The following ARHGAP32 variants were observed in gnomAD, a reference collection of about 807,000 sequenced individuals.
The protein encoded by ARHGAP32 is rho GTPase-activating protein 32.
In ARHGAP32, 51 loss-of-function variants were observed where a neutral mutation model predicts 186.5. The ratio of observed to expected loss-of-function variants is 0.27; its 90% CI spans 0.22 to 0.35. ARHGAP32 has a LOEUF of 0.35. Among genes scored for constraint, ARHGAP32 ranks in the 10% least tolerant of loss-of-function variants. The pLI is 1.00. For synonymous variants in ARHGAP32, 950 were observed against 964.3 expected, an observed-to-expected ratio of 0.99 and a Z score of 0.27; for missense variants, 2,186 against 2,623.5, an observed-to-expected ratio of 0.83 and a Z score of 3.64.
chr11:128,971,721 A>G (rs1425339363), intron 22 of ARHGAP32: 2 of 152,700 alleles, frequency 1.3e-5, no homozygotes, highest in African/African-American at 4.8e-5. Context: ...AAAACATGCT[A>G]TCCTTGAGAA....
intron 15 of ARHGAP32, 145 bp downstream of exon 15, chr11:128,985,858 G>GTATATATATATATATATA (rs1555063867): frequency 6.6e-4 from 63 of 95,302 alleles, no homozygotes; most frequent in African/African-American, 2.9e-3. Context: ...GTGTGTGTGT[G>GTATATATATATATATATA]TATATATATA....
intron 6 of ARHGAP32, among the ~76,000 whole-genome samples, chr11:129,091,601 T>C (rs1023188361): frequency 6.6e-6 from 1 of 152,114 alleles, no homozygotes; most frequent in Non-Finnish European, 1.5e-5. Context: ...TATTAAAAAG[T>C]AGAAACTGAC....
At chr11:129,062,903 T>C (rs1940558622) in intron 9 of ARHGAP32, among the ~76,000 whole-genome samples, 2 of 132,026 alleles carry the variant, frequency 1.5e-5, no homozygotes, top group South Asian at 4.4e-4. Flanking sequence ...TACACTTCTT[T>C]CAATAGATAG....
chr11:129,120,765 T>A (rs1247126162), intron 5 of ARHGAP32, among the ~76,000 whole-genome samples: 4 of 152,058 alleles, frequency 2.6e-5, no homozygotes, highest in African/African-American at 9.7e-5. Context: ...AGACAATGAA[T>A]CTGTAAATCT....
In ARHGAP32 at chr11:129,227,068, C is replaced by T. The variant is rs547900151; in HGVS notation, c.-5+52078G>A. On this transcript the variant is annotated intron_variant, in intron 1 of 6. Transcript: ENST00000525234. ...CAGAGCAAATCATAAATTTGGTTAACGGGTACATGATGTATAAAGAATAAT... is the reference window on the plus strand; with the variant it reads ...CAGAGCAAATCATAAATTTGGTTAATGGGTACATGATGTATAAAGAATAAT... Among the ~76,000 whole-genome samples the T allele has an allele frequency of 1.4e-4, 21 of 151,824 alleles. No homozygotes were observed. In the South Asian group the frequency reaches 1.7e-3, roughly 12 times the overall value.
chr11:129,254,285 C>T (rs983700953), intron 1 of ARHGAP32, among the ~76,000 whole-genome samples: 1 of 151,914 alleles, frequency 6.6e-6, no homozygotes, highest in Non-Finnish European at 1.5e-5. Flanking sequence ...TTTTCAATTT[C>T]CTAAGATAGT....
chr11:129,139,789 T>G (rs1943011336), intron 2 of ARHGAP32, among the ~76,000 whole-genome samples: 1 of 152,160 alleles, frequency 6.6e-6, no homozygotes, highest in Non-Finnish European at 1.5e-5. Flanking sequence ...CTTCCCAGTC[T>G]CGAATATGTC....
chr11:129,263,704 A>G (rs1346883021), intron 1 of ARHGAP32, among the ~76,000 whole-genome samples: 1 of 151,714 alleles, frequency 6.6e-6, no homozygotes. Flanking sequence ...AAGAAAGAGG[A>G]AAGAGGAAAG....
At chr11:129,177,609 C>T (rs1943949405) in intron 1 of ARHGAP32, among the ~76,000 whole-genome samples, 2 of 152,120 alleles carry the variant, frequency 1.3e-5, no homozygotes, top group Admixed American at 1.3e-4. Context: ...GGGCTTCATC[C>T]CTGGGATGCA....
intron 6 of ARHGAP32, among the ~76,000 whole-genome samples, chr11:129,085,647 A>C (rs554089641): frequency 6.6e-6 from 1 of 152,150 alleles, no homozygotes; most frequent in African/African-American, 2.4e-5. Context: ...AACCAAGACA[A>C]CACTGAAAGA....
intron 5 of ARHGAP32, among the ~76,000 whole-genome samples, chr11:129,101,256 A>G (rs958974324): frequency 1.3e-5 from 2 of 152,204 alleles, no homozygotes; most frequent in South Asian, 2.1e-4. Context: ...AAGCCCACAA[A>G]CATGAGAAAG....
At chr11:128,981,256 A>G (rs768918601) in intron 17 of ARHGAP32, among the ~76,000 whole-genome samples, 160 bp downstream of exon 17, 1 of 152,206 alleles carries the variant, frequency 6.6e-6, no homozygotes, top group Non-Finnish European at 1.5e-5. Flanking sequence ...TATACACACA[A>G]AATAACTGTC....
intron 10 of ARHGAP32, among the ~76,000 whole-genome samples, chr11:129,042,809 T>A (rs1939648628): frequency 6.6e-6 from 1 of 152,012 alleles, no homozygotes; most frequent in South Asian, 2.1e-4. Context: ...CCGGTGTGAG[T>A]CCCAGCAATG....
At chr11:128,981,299 A>G in intron 17 of ARHGAP32, 117 bp downstream of exon 17, 1 of 1,119,948 alleles carries the variant, frequency 8.9e-7, no homozygotes, top group South Asian at 1.7e-5. Context: ...GCCATACATT[A>G]TTAGCTGCCT....
intron 1 of ARHGAP32, among the ~76,000 whole-genome samples, chr11:129,224,224 T>C (rs1255207237): frequency 2.6e-5 from 4 of 152,190 alleles, no homozygotes; most frequent in Non-Finnish European, 5.9e-5. Context: ...CTGGAATATA[T>C]GGCAAGAGAT....
intron 1 of ARHGAP32, among the ~76,000 whole-genome samples, chr11:129,205,241 A>G (rs1944501949): frequency 6.6e-6 from 1 of 152,182 alleles, no homozygotes; most frequent in Non-Finnish European, 1.5e-5. Context: ...CAATGAATAC[A>G]AAGTACATTT....
At chr11:129,090,949 A>T (rs1451276518) in intron 6 of ARHGAP32, among the ~76,000 whole-genome samples, 6 of 152,152 alleles carry the variant, frequency 3.9e-5, no homozygotes, top group Middle Eastern at 3.2e-3. Flanking sequence ...TTTCTTGAGA[A>T]GGTTCCTCAT....
intron 11 of ARHGAP32, among the ~76,000 whole-genome samples, chr11:129,014,518 T>C (rs1223332225): frequency 2.0e-5 from 3 of 152,170 alleles, no homozygotes; most frequent in Non-Finnish European, 4.4e-5. Flanking sequence ...TGAGGGTGTA[T>C]AGGAAAATGG....
At chr11:129,033,353 T>C (rs1246597833) in intron 11 of ARHGAP32, among the ~76,000 whole-genome samples, 1 of 152,216 alleles carries the variant, frequency 6.6e-6, no homozygotes, top group Non-Finnish European at 1.5e-5. Context: ...TTGTCCCAAA[T>C]TAATACTCCC....
Sources: allele counts gnomAD v4.1 joint callset (sites outside exome capture counted in the v4.1 genomes callset), GRCh38; gene constraint gnomAD v4.1.1; transcripts MANE v1.5; gene names NCBI Gene and HGNC (gene_info 2026-07-23, HGNC 2026-07-21).